Variants in CGNL1 observed in about 807,000 individuals in gnomAD.
CGNL1 encodes cingulin-like protein 1.
A neutral mutation model predicts 141.2 loss-of-function variants in CGNL1; 132 were observed. The observed-to-expected ratio is 0.93, with a 90% CI of 0.81 to 1.08. CGNL1 has a LOEUF of 1.08. CGNL1 is among the 50% of genes least tolerant of loss of function. The pLI is 0.00. For missense variants in CGNL1, 1,870 were observed against 1,588.6 expected (o/e 1.18, Z -3.01); for synonymous variants, 690 against 622.1 (o/e 1.11, Z -1.63).
chr15:57,398,459 C>G (rs1319504121), intron 1 of CGNL1: 1 of 152,094 alleles, frequency 6.6e-6, no homozygotes, highest in Non-Finnish European at 1.5e-5. Context: ...TTTTCCTGTT[C>G]TATTTGGAGG....
At chr15:57,376,697 C>T (rs1244141984) in intron 1 of CGNL1, 130 bp downstream of exon 1, 3 of 151,014 alleles carry the variant, frequency 2.0e-5, no homozygotes, top group Non-Finnish European at 2.9e-5. Flanking sequence ...GCTCAGTCCG[C>T]GCGTCCACTC....
rs750405082 is a variant in CGNL1, at chr15:57,543,744, G to T, written c.3340G>T (p.Asp1114Tyr). ...ELLQERAARQ[D>Y]LECDKISLER... ...ACTTCAGGAGAGAGCTGCGAGACAA[G>T]ACTTGGAGTGCGACAAGATTTCCCT... The change falls in exon 15 of 19, where the codon GAC (aspartate) becomes TAC (tyrosine). Residue 1114 changes from aspartate (D) to tyrosine (Y), a missense_variant. Coordinates refer to ENST00000281282, the MANE Select transcript of CGNL1 (RefSeq NM_032866.5). 13 of 1,614,014 alleles carry T rather than the reference G, an allele frequency of 8.1e-6. No homozygotes were observed. Among genetic ancestry groups the T allele is most frequent in the South Asian group, 2.2e-5 (2 of 91,078 alleles).
At position 57,440,462 on chromosome 15, in the gene CGNL1, T is replaced by C; in HGVS notation, c.1688T>C (p.Leu563Pro). Residue 563 changes from leucine to proline, a missense_variant, in exon 3 of 19, where the codon CTC becomes CCC. Transcript: ENST00000281282. ...GCTAAGCAGATTCTCTACAATTACCTCAAAGAAGGGTTAGTGATTTTCCCT... is the reference window on the plus strand; with the variant it reads ...GCTAAGCAGATTCTCTACAATTACCCCAAAGAAGGGTTAGTGATTTTCCCT... ...ETAKQILYNYLKEGSTDNDDA... is the reference protein window; with the variant it reads ...ETAKQILYNYPKEGSTDNDDA... The C allele has an allele frequency of 6.3e-7, 1 of 1,585,510 alleles. No individual in the cohort carries two copies. The highest frequency in any genetic ancestry group is 1.8e-5 in the Admixed American group (1 of 56,874).
intron 14 of CGNL1, among the ~76,000 whole-genome samples, chr15:57,542,295 G>C (rs1427845511): frequency 6.6e-6 from 1 of 152,222 alleles, no homozygotes; most frequent in African/African-American, 2.4e-5. Flanking sequence ...TCTTAGCCAC[G>C]TTGGATCCTG....
chr15:57,441,354 CTTT>C (rs1300850741), intron 3 of CGNL1, among the ~76,000 whole-genome samples: 1 of 151,972 alleles, frequency 6.6e-6, no homozygotes, highest in African/African-American at 2.4e-5. Context: ...GAAATCTTGA[CTTT>C]TAAAATTCAT....
At chr15:57,441,696 T>C (rs2152310691) in intron 3 of CGNL1, among the ~76,000 whole-genome samples, 1 of 152,294 alleles carries the variant, frequency 6.6e-6, no homozygotes, top group East Asian at 1.9e-4. Flanking sequence ...TTTATGTATG[T>C]ATTTTTTGGC....
intron 5 of CGNL1, 58 bp from the exon 6 acceptor site, chr15:57,452,083 T>C (rs2063328508): frequency 6.7e-7 from 1 of 1,482,990 alleles, no homozygotes; most frequent in South Asian, 1.3e-5. Context: ...AGTAGGCTTC[T>C]GTGGGGTTAC....
chr15:57,529,169 A>G (rs930404545), intron 13 of CGNL1, among the ~76,000 whole-genome samples: 3 of 152,246 alleles, frequency 2.0e-5, no homozygotes, highest in African/African-American at 7.2e-5. Context: ...AGAAGGAACC[A>G]GACTGCTGCA....
At chr15:57,520,628 G>A (rs116583514) in intron 10 of CGNL1, among the ~76,000 whole-genome samples, 40 of 152,342 alleles carry the variant, frequency 2.6e-4, no homozygotes, top group African/African-American at 8.9e-4. Context: ...CTATTTTAAA[G>A]TGCCTTCTGC....
chr15:57,433,968 C>T (rs142874725), intron 1 of CGNL1, among the ~76,000 whole-genome samples: 2 of 131,750 alleles, frequency 1.5e-5, no homozygotes, highest in African/African-American at 5.6e-5. Flanking sequence ...AACTAATAGT[C>T]TTCTCCACAC....
intron 1 of CGNL1, among the ~76,000 whole-genome samples, chr15:57,428,410 G>C (rs973511118): frequency 6.6e-6 from 1 of 152,224 alleles, no homozygotes; most frequent in African/African-American, 2.4e-5. Flanking sequence ...GGAGAGAAGA[G>C]GTGCTGTGAG....
intron 8 of CGNL1, among the ~76,000 whole-genome samples, chr15:57,503,877 C>G (rs1218094347): frequency 3.3e-5 from 5 of 152,158 alleles, no homozygotes; most frequent in Non-Finnish European, 7.3e-5. Flanking sequence ...TTACCTTCCC[C>G]TGGGTCCCTC....
chr15:57,424,201 C>A (rs2062948676), intron 1 of CGNL1, among the ~76,000 whole-genome samples: 1 of 152,234 alleles, frequency 6.6e-6, no homozygotes, highest in Non-Finnish European at 1.5e-5. Context: ...CACGTTTCTC[C>A]TTCCTGAGCT....
intron 8 of CGNL1, among the ~76,000 whole-genome samples, chr15:57,495,964 G>A (rs1409570785): frequency 2.0e-5 from 3 of 152,154 alleles, no homozygotes; most frequent in Non-Finnish European, 2.9e-5. Context: ...GAATGTCTTG[G>A]CAATCCAGAT....
chr15:57,431,969 C>A (rs1415037769), intron 1 of CGNL1, among the ~76,000 whole-genome samples: 4 of 152,184 alleles, frequency 2.6e-5, no homozygotes, highest in African/African-American at 7.2e-5. Flanking sequence ...TTCTTATTTC[C>A]TAGAATTAAG....
intron 1 of CGNL1, among the ~76,000 whole-genome samples, chr15:57,424,899 A>G (rs2062956173): frequency 6.6e-6 from 1 of 152,254 alleles, no homozygotes; most frequent in African/African-American, 2.4e-5. Context: ...TGATCATCCT[A>G]CATATTAATG....
chr15:57,513,188 A>T (rs1220561324), intron 8 of CGNL1, among the ~76,000 whole-genome samples: 1 of 151,496 alleles, frequency 6.6e-6, no homozygotes, highest in Non-Finnish European at 1.5e-5. Flanking sequence ...GCCCAGGGCA[A>T]TCACTAATCT....
Position 57,383,292 on chromosome 15 carries a change from C to CTTTTTTT in CGNL1, c.-16+6732_-16+6738dup, listed in dbSNP as rs59213732. 4.9e-4 allele frequency among the ~76,000 whole-genome samples: 54 copies of CTTTTTTT among 109,606 alleles called. 2 individuals are homozygous for CTTTTTTT. The highest frequency in any genetic ancestry group is 9.3e-3 in the Middle Eastern group (2 of 216). 71.9% of individuals were successfully genotyped at this position (109,606 alleles called of 152,430 possible). A position where few individuals can be genotyped will look rare whatever the true frequency, so the allele number is the denominator to read the frequency against. ...TAACAAACTTAAGATTTCTTTCTTC[C>CTTTTTTT]TTTTTTTTTTTTTGTTTTTTTGATA... is the stretch of plus-strand genomic sequence containing the variant. On this transcript the variant is annotated intron_variant, in intron 1 of 18. Coordinates refer to ENST00000281282, the MANE Select transcript of CGNL1 (RefSeq NM_032866.5).
At chr15:57,531,297 C>T (rs939041911) in intron 13 of CGNL1, among the ~76,000 whole-genome samples, 1 of 152,138 alleles carries the variant, frequency 6.6e-6, no homozygotes, top group Non-Finnish European at 1.5e-5. Flanking sequence ...TTGTCCGGAG[C>T]GTCAAGTGTT....
Sources: allele counts gnomAD v4.1 joint callset (sites outside exome capture counted in the v4.1 genomes callset), GRCh38; gene constraint gnomAD v4.1.1; transcripts MANE v1.5; gene names NCBI Gene and HGNC (gene_info 2026-07-23, HGNC 2026-07-21).